Variants in PHKB observed in about 807,000 individuals in gnomAD.
PHKB encodes phosphorylase kinase regulatory subunit beta.
PHKB carries 122 observed loss-of-function variants against 152.1 expected under a neutral mutation model. That is an observed-to-expected ratio of 0.80 (90% CI 0.69 to 0.93). The LOEUF is 0.93. Ranked by LOEUF, PHKB falls within the 40% of genes least tolerant of loss-of-function variation. The pLI, the probability that PHKB is intolerant of heterozygous loss-of-function variation, is 0.00. For missense variants in PHKB, 1,304 were observed against 1,328.4 expected (o/e 0.98, Z 0.29); for synonymous variants, 436 against 464.9 (o/e 0.94, Z 0.80).
At chr16:47,500,228 G>T (rs1463367719) in intron 3 of PHKB, among the ~76,000 whole-genome samples, 1 of 151,996 alleles carries the variant, frequency 6.6e-6, no homozygotes, top group East Asian at 1.9e-4. Flanking sequence ...GATAGAGATG[G>T]GGTTTCTGTT....
chr16:47,494,223 C>T (rs766222623), intron 1 of PHKB, among the ~76,000 whole-genome samples: 7 of 152,036 alleles, frequency 4.6e-5, no homozygotes, highest in South Asian at 2.1e-4. Context: ...AACTAGATTC[C>T]GAAAATGTGA....
intron 26 of PHKB, 42 bp from the exon 27 acceptor site, chr16:47,688,998 AT>A (rs763286284): frequency 1.7e-5 from 28 of 1,609,814 alleles, no homozygotes; most frequent in Non-Finnish European, 2.1e-5. Flanking sequence ...AGGTGATTTT[AT>A]TTCAAGAGTT....
intron 6 of PHKB, among the ~76,000 whole-genome samples, chr16:47,528,664 G>A (rs186081874): frequency 1.8e-4 from 27 of 149,818 alleles, no homozygotes; most frequent in African/African-American, 5.1e-4. Context: ...AAAACCCATC[G>A]AACAGTGGTT....
chr16:47,566,485 C>G, intron 7 of PHKB: 1 of 1,607,882 alleles, frequency 6.2e-7, no homozygotes, highest in South Asian at 1.1e-5. Context: ...TAACCAAAAC[C>G]TTTCAACTTC....
At chr16:47,582,540 T>G (rs753240821) in intron 8 of PHKB, among the ~76,000 whole-genome samples, 2 of 152,190 alleles carry the variant, frequency 1.3e-5, no homozygotes, top group Non-Finnish European at 2.9e-5. Flanking sequence ...TTAAAAAAAA[T>G]ACTCATATAT....
chr16:47,514,099 A>T (rs770232993), intron 5 of PHKB, among the ~76,000 whole-genome samples: 1 of 152,194 alleles, frequency 6.6e-6, no homozygotes, highest in Non-Finnish European at 1.5e-5. Context: ...CATTTCATAT[A>T]CAATAAATGA....
At chr16:47,586,576 A>T (rs1229217344) in intron 8 of PHKB, among the ~76,000 whole-genome samples, 3 of 152,190 alleles carry the variant, frequency 2.0e-5, no homozygotes, top group Non-Finnish European at 4.4e-5. Context: ...ACATCTGGAT[A>T]TGGGGTCTGG....
At chr16:47,468,170 A>T (rs1189200193) in intron 1 of PHKB, among the ~76,000 whole-genome samples, 2 of 152,022 alleles carry the variant, frequency 1.3e-5, no homozygotes, top group East Asian at 3.9e-4. Context: ...CTTCAGCTGT[A>T]CTCCTACCTC....
chr16:47,516,216 G>A (rs776032509), intron 6 of PHKB, among the ~76,000 whole-genome samples: 6 of 152,090 alleles, frequency 3.9e-5, no homozygotes, highest in African/African-American at 9.7e-5. Flanking sequence ...GTGAGCCACC[G>A]TGCCCGGCCT....
intron 6 of PHKB, among the ~76,000 whole-genome samples, chr16:47,536,953 A>G (rs898828580): frequency 1.3e-5 from 2 of 152,240 alleles, no homozygotes; most frequent in African/African-American, 4.8e-5. Flanking sequence ...TTCATTTGGA[A>G]ATGAGCAAGA....
chr16:47,609,773 A>G (rs1199956490), intron 13 of PHKB, among the ~76,000 whole-genome samples: 2 of 152,020 alleles, frequency 1.3e-5, no homozygotes, highest in Admixed American at 6.6e-5. Flanking sequence ...TCTTTCTTGA[A>G]TTCTTGATTT....
At chr16:47,549,583 T>C (rs1971235295) in intron 7 of PHKB, among the ~76,000 whole-genome samples, 1 of 152,054 alleles carries the variant, frequency 6.6e-6, no homozygotes, top group African/African-American at 2.4e-5. Context: ...TAATCCCAGC[T>C]ACTTGGGAGG....
chr16:47,483,299 C>T (rs781105668), intron 1 of PHKB, among the ~76,000 whole-genome samples: 26 of 151,366 alleles, frequency 1.7e-4, no homozygotes, highest in Non-Finnish European at 2.8e-4. Context: ...CCACCTGCCT[C>T]GGCCTCCCAA....
rs1295800142 is a variant in PHKB, at chr16:47,596,438, C to A, written c.1270C>A (p.Pro424Thr). The A allele has an allele frequency of 3.1e-6, 5 of 1,612,420 alleles. No homozygotes were observed. The highest frequency in any genetic ancestry group is 1.7e-6 in the Non-Finnish European group (2 of 1,178,612). ...ADFVEYEKNN[P>T]GSQKRFPSNC... ...CTTTGTAGAATATGAAAAAAATAAC[C>A]CTGGTAGTCAAAAACGATTTCCTAG... The change falls in exon 13 of 31, where the codon CCT (proline) becomes ACT (threonine). Residue 424 changes from proline to threonine, a missense_variant. Pro to Thr is a conservative substitution (Grantham distance 38, BLOSUM62 -1). Coordinates refer to ENST00000323584, the MANE Select transcript of PHKB (RefSeq NM_000293.3).
At chr16:47,592,090 CAAAG>C (rs1972038751) in intron 10 of PHKB, among the ~76,000 whole-genome samples, 1 of 152,166 alleles carries the variant, frequency 6.6e-6, no homozygotes, top group Non-Finnish European at 1.5e-5. Flanking sequence ...AGCCCAACAA[CAAAG>C]AATTATTTGG....
chr16:47,608,675 T>A (rs1289352176), intron 13 of PHKB, among the ~76,000 whole-genome samples: 1 of 152,216 alleles, frequency 6.6e-6, no homozygotes, highest in Non-Finnish European at 1.5e-5. Flanking sequence ...GCACTCCACC[T>A]GAGCAACAGA....
intron 14 of PHKB, among the ~76,000 whole-genome samples, chr16:47,622,267 C>T (rs1972630161): frequency 6.6e-6 from 1 of 151,954 alleles, no homozygotes; most frequent in South Asian, 2.1e-4. Context: ...CACGTTTTTT[C>T]CTGTTTTGAA....
At chr16:47,598,135 C>G (rs1972156001) in intron 13 of PHKB, 2 of 152,120 alleles carry the variant, frequency 1.3e-5, no homozygotes. Context: ...TTTTGCTTTA[C>G]ATACATAAGA....
At chr16:47,469,129 T>C (rs1478986636) in intron 1 of PHKB, among the ~76,000 whole-genome samples, 2 of 152,220 alleles carry the variant, frequency 1.3e-5, no homozygotes, top group Non-Finnish European at 2.9e-5. Flanking sequence ...TTACTTGTTT[T>C]GTGCATAGCT....
Sources: gnomAD v4.1 joint callset for allele counts (sites outside exome capture counted in the v4.1 genomes callset) on GRCh38, gnomAD v4.1.1 for gene constraint, MANE v1.5 for transcripts, NCBI Gene and HGNC (gene_info 2026-07-23, HGNC 2026-07-21) for gene names.